RNF145: variants seen among roughly 807,000 people sequenced by gnomAD.
RNF145 encodes the protein ring finger protein 145.
Under a neutral mutation model 57.3 loss-of-function variants are expected in RNF145, and 12 were observed. The ratio of observed to expected loss-of-function variants is 0.21; its 90% confidence interval spans 0.13 to 0.34. The LOEUF (loss-of-function observed/expected upper bound fraction) is 0.34, where lower values mean the gene tolerates loss of function less well. Ranked by LOEUF, RNF145 falls within the 10% of genes least tolerant of loss-of-function variation. RNF145 has a pLI of 1.00. For missense variants in RNF145, 429 were observed against 799.0 expected (o/e 0.54, Z 5.58); for synonymous variants, 262 against 288.3 (o/e 0.91, Z 0.92).
At chr5:159,174,546 GA>G (rs956822759) in intron 5 of RNF145, among the ~76,000 whole-genome samples, 30 of 151,658 alleles carry the variant, frequency 2.0e-4, no homozygotes, top group African/African-American at 6.3e-4. Context: ...GAGGCACTAG[GA>G]AAAAAAATGC....
At chr5:159,162,869 C>A in intron 9 of RNF145, 63 bp downstream of exon 9, 2 of 1,379,150 alleles carry the variant, frequency 1.5e-6, no homozygotes, top group Non-Finnish European at 2.0e-6. Flanking sequence ...AATTTAATTC[C>A]TCCTCTGGGA....
At chr5:159,162,590 G>A (rs1004951944) in intron 9 of RNF145, among the ~76,000 whole-genome samples, 10 of 151,184 alleles carry the variant, frequency 6.6e-5, no homozygotes, top group African/African-American at 9.7e-5. Flanking sequence ...GCCCGCCACC[G>A]CGCCCGGCTA....
In RNF145 at chr5:159,158,619, G is replaced by C; in HGVS notation, c.*51C>G. ...CAAATCAGAACATGAATTCCATCTT[G>C]AGTTAACTTCTCCTCCAGAGTATCA... On this transcript the variant is annotated 3_prime_UTR_variant, in exon 11 of 11. Transcript: ENST00000424310. 1.3e-6 allele frequency: 2 copies of C among 1,560,156 alleles called. No individual in the cohort carries two copies. Among genetic ancestry groups the C allele is most frequent in the East Asian group, 4.5e-5 (2 of 44,380 alleles).
chr5:159,157,600 TAC>T lies in RNF145; in HGVS notation c.*1068_*1069del, dbSNP rs35065327. 21,253 of 152,646 alleles carry T rather than the reference TAC, an allele frequency of 0.14. 1,633 individuals carry two copies. The highest frequency in any genetic ancestry group is 0.18 in the Non-Finnish European group (12,565 of 67,966). 9.5% of individuals were successfully genotyped at this position (152,646 alleles called of 1,614,324 possible). A position where few individuals can be genotyped will look rare whatever the true frequency, so the allele number is the denominator to read the frequency against. ...TCATATCAAAATTCCCATAAAAAAT[TAC>T]ATTCCCCCCTCCCCAGTTCTACCTG... On this transcript the variant is annotated 3_prime_UTR_variant, in exon 11 of 11. Transcript: ENST00000424310.
Position 159,203,638 on chromosome 5 carries a change from T to G in RNF145, c.-21A>C. 6.3e-7 allele frequency: 1 copy of G among 1,592,996 alleles called. No homozygotes were observed. The highest frequency in any genetic ancestry group is 1.4e-5 in the African/African-American group (1 of 73,230). ...GCCATGTTGTTTTTTTTTTTCTTTT[T>G]TTTTTTCTTGGAGAAGACCTAAAAT... On this transcript the variant is annotated 5_prime_UTR_variant, in exon 2 of 11. Transcript: ENST00000424310.
intron 3 of RNF145, among the ~76,000 whole-genome samples, chr5:159,188,482 C>A (rs1300949080): frequency 6.6e-6 from 1 of 151,964 alleles, no homozygotes; most frequent in Non-Finnish European, 1.5e-5. Context: ...GGAATGACCA[C>A]CACACTCTCA....
chr5:159,205,608 T>TGG (rs1785851102), intron 1 of RNF145, among the ~76,000 whole-genome samples: 1 of 152,170 alleles, frequency 6.6e-6, no homozygotes, highest in Non-Finnish European at 1.5e-5. Flanking sequence ...AAAGTAATAT[T>TGG]GAATAGATCT....
chr5:159,167,773 G>T (rs1006531229), intron 8 of RNF145, among the ~76,000 whole-genome samples: 1 of 152,136 alleles, frequency 6.6e-6, no homozygotes, highest in African/African-American at 2.4e-5. Flanking sequence ...CTAATAGTTT[G>T]AGCTTATTTA....
rs2113063400 is a variant in RNF145 at position 159,158,933 on chromosome 5, G to A, written c.1729C>T (p.His577Tyr). ...GGAAGCTGGGAGGAGTTTTTCAGAT[G>A]GCAGTGGCACAGAGGGCAGGTCTCC... is the stretch of plus-strand genomic sequence containing the variant. ...VQETCPLCHC[H>Y]LKNSSQLPGL... is the part of the protein sequence containing the mutation. The change falls in exon 11 of 11, where the codon CAT becomes TAT. Residue 577 changes from histidine to tyrosine, a missense_variant. This residue lies in a region of RNF145 where 102 missense variants were observed against 106.2 expected (regional missense o/e 0.96). Coordinates refer to ENST00000424310, the MANE Select transcript of RNF145 (RefSeq NM_001199383.2). 2 of 1,613,910 alleles carry A rather than the reference G, an allele frequency of 1.2e-6. No homozygotes were observed. The highest frequency in any genetic ancestry group is 1.7e-6 in the Non-Finnish European group (2 of 1,179,848).
chr5:159,167,138 CTT>C (rs1304782333), intron 8 of RNF145, among the ~76,000 whole-genome samples: 1 of 152,118 alleles, frequency 6.6e-6, no homozygotes, highest in African/African-American at 2.4e-5. Flanking sequence ...GAATTTTTCT[CTT>C]AACTTTATTT....
At chr5:159,209,993 G>T, upstream of RNF145, 1 of 1,235,532 alleles carries the variant, frequency 8.1e-7, no homozygotes, top group Non-Finnish European at 1.1e-6. Context: ...TGGCTCAGCC[G>T]TGCCCAGCAC....
At chr5:159,204,358 C>T (rs1259309178) in intron 1 of RNF145, among the ~76,000 whole-genome samples, 1 of 151,804 alleles carries the variant, frequency 6.6e-6, no homozygotes, top group Admixed American at 6.6e-5. Context: ...TCTGCAGCCC[C>T]TGTCTCTGCA....
intron 5 of RNF145, among the ~76,000 whole-genome samples, chr5:159,175,451 G>T (rs187903819): frequency 2.2e-4 from 33 of 151,626 alleles, no homozygotes; most frequent in South Asian, 1.7e-3. Context: ...GAAGGCTGAG[G>T]TTATTCAATA....
chr5:159,170,404 A>G (rs2113114348), intron 6 of RNF145, among the ~76,000 whole-genome samples: 1 of 152,338 alleles, frequency 6.6e-6, no homozygotes, highest in Admixed American at 6.5e-5. Flanking sequence ...AGACTATTGA[A>G]AAGTAATTTT....
intron 9 of RNF145, 33 bp from the exon 10 acceptor site, chr5:159,161,655 A>C: frequency 8.1e-7 from 1 of 1,233,300 alleles, no homozygotes; most frequent in Non-Finnish European, 1.2e-6. Flanking sequence ...CGTATCTTGA[A>C]ATATGATCAC....
chr5:159,205,990 TAC>T (rs1785866836), intron 1 of RNF145, among the ~76,000 whole-genome samples: 1 of 152,172 alleles, frequency 6.6e-6, no homozygotes, highest in African/African-American at 2.4e-5. Flanking sequence ...CCCTAATCCG[TAC>T]AGAGGATCAT....
intron 2 of RNF145, among the ~76,000 whole-genome samples, chr5:159,201,237 G>A (rs1352279138): frequency 6.6e-6 from 1 of 152,138 alleles, no homozygotes; most frequent in South Asian, 2.1e-4. Context: ...TGAGGGACCT[G>A]AGTATGCGCA....
At position 159,192,951 on chromosome 5, in the gene RNF145, G is replaced by T. The variant is rs150342894; in HGVS notation, c.293+1765C>A. ...GTTTACAAAAGAGTAAGCAAAGATG[G>T]GAAAGTGTCTCCATCCTCAGCCTGA... On this transcript the variant is annotated intron_variant, in intron 3 of 10. Transcript: ENST00000424310. Among the ~76,000 whole-genome samples, 14 of 152,324 alleles carry T rather than the reference G, an allele frequency of 9.2e-5. No homozygotes were observed. The East Asian group carries it at 2.7e-3, about 29-fold the overall frequency.
chr5:159,168,977 T>G lies in RNF145; in HGVS notation c.1017A>C (p.Ala339=). 1 of 1,610,152 alleles carries G rather than the reference T, an allele frequency of 6.2e-7. No homozygotes were observed. Residue 339 remains alanine, a synonymous_variant, in exon 8 of 11, where the codon GCA becomes GCC. Coordinates refer to ENST00000424310, the MANE Select transcript of RNF145 (RefSeq NM_001199383.2). ...GLIELQVVHR[A]FLLSIILFIV... ...TGAAAAGGATAATACTGAGCAAGAATGCCCGATGAACAACCTGCAGTTCTA... is the reference window on the plus strand; with the variant it reads ...TGAAAAGGATAATACTGAGCAAGAAGGCCCGATGAACAACCTGCAGTTCTA...
Sources: allele counts gnomAD v4.1 joint callset (sites outside exome capture counted in the v4.1 genomes callset), GRCh38; gene constraint gnomAD v4.1.1; regional missense constraint gnomAD v4.1.1; transcripts MANE v1.5; gene names NCBI Gene and HGNC (gene_info 2026-07-23, HGNC 2026-07-21).